Variants in PRKAR1B observed in about 807,000 individuals in gnomAD.
PRKAR1B encodes protein kinase cAMP-dependent type I regulatory subunit beta, also known as cAMP-dependent protein kinase type I-beta regulatory subunit.
In PRKAR1B, 22 loss-of-function variants were observed where a neutral mutation model predicts 46.5. The ratio of observed to expected loss-of-function variants is 0.47; its 90% CI spans 0.34 to 0.68. PRKAR1B has a LOEUF of 0.68. PRKAR1B is among the 30% of genes least tolerant of loss of function. The pLI, the probability that PRKAR1B is intolerant of heterozygous loss-of-function variation, is 0.01. For synonymous variants in PRKAR1B, 259 were observed against 217.7 expected, an observed-to-expected ratio of 1.19 and a Z score of -1.67; for missense variants, 445 against 535.6, an observed-to-expected ratio of 0.83 and a Z score of 1.67.
In PRKAR1B at chr7:675,314, G is replaced by C. The variant is rs147920645; in HGVS notation, c.440+1915C>G. Among the ~76,000 whole-genome samples, 216 of 152,282 alleles carry C rather than the reference G, an allele frequency of 1.4e-3. 1 individual carries two copies. Among genetic ancestry groups the C allele is most frequent in the African/African-American group, 4.8e-3 (199 of 41,560 alleles). On this transcript the variant is annotated intron_variant, in intron 4 of 10. Coordinates refer to ENST00000537384, the MANE Select transcript of PRKAR1B (RefSeq NM_001164760.2). ...AACAATGCGTCTAGTGTGTTCCCAGGGTCCCCACCTGCACTCACGGGCACA... is the reference window on the plus strand; with the variant it reads ...AACAATGCGTCTAGTGTGTTCCCAGCGTCCCCACCTGCACTCACGGGCACA...
chr7:711,343 C>T lies in PRKAR1B; in HGVS notation c.163G>A (p.Glu55Lys). The change falls in exon 2 of 11, where the codon GAG (glutamate) becomes AAG (lysine). Residue 55 changes from glutamate to lysine, a missense_variant. Transcript: ENST00000537384. The stretch of plus-strand genomic sequence containing the variant: ...GGGCCACTCACCTTCTCCAGCTTCT[C>T]GAAGTGCTCCCGGAGGAACTTCATG... ...RPMKFLREHF[E>K]KLEKEENRQI... The T allele has an allele frequency of 6.2e-7, 1 of 1,614,138 alleles. No homozygotes were observed. The highest frequency in any genetic ancestry group is 1.7e-5 in the Admixed American group (1 of 60,034).
intron 6 of PRKAR1B, among the ~76,000 whole-genome samples, chr7:599,335 T>C (rs1781461169): frequency 6.6e-6 from 1 of 152,038 alleles, no homozygotes; most frequent in South Asian, 2.1e-4. Context: ...TTCGCTCTTG[T>C]TCCTCAGGCT....
intron 9 of PRKAR1B, among the ~76,000 whole-genome samples, chr7:552,906 G>A (rs1007277307): frequency 2.0e-5 from 3 of 152,266 alleles, no homozygotes; most frequent in Non-Finnish European, 4.4e-5. Flanking sequence ...CCCCCGACAC[G>A]GGGAAGTGGG....
At chr7:564,081 G>A (rs1778989270) in intron 9 of PRKAR1B, among the ~76,000 whole-genome samples, 1 of 152,010 alleles carries the variant, frequency 6.6e-6, no homozygotes, top group African/African-American at 2.4e-5. Context: ...TTCCCAAAGG[G>A]TCTCCTCCCT....
At chr7:702,867 G>C (rs1345118285) in intron 2 of PRKAR1B, among the ~76,000 whole-genome samples, 1 of 151,424 alleles carries the variant, frequency 6.6e-6, no homozygotes, top group Non-Finnish European at 1.5e-5. Flanking sequence ...AATAAATAAA[G>C]ATGCATCATA....
chr7:551,530 G>A lies in PRKAR1B; in HGVS notation c.892-60C>T, dbSNP rs546012117. On this transcript the variant is annotated intron_variant, in intron 9 of 10. Coordinates refer to ENST00000537384, the MANE Select transcript of PRKAR1B (RefSeq NM_001164760.2). ...CAGGCGGGTGCAGGGTGGGACACACGTGAGGGGTCACCCCACAGGGGGTCA... is the reference window on the plus strand; with the variant it reads ...CAGGCGGGTGCAGGGTGGGACACACATGAGGGGTCACCCCACAGGGGGTCA... The A allele has an allele frequency of 2.5e-5, 37 of 1,500,562 alleles. 1 individual carries two copies. The highest frequency in any genetic ancestry group is 1.9e-4 in the African/African-American group (14 of 72,186). 93.0% of individuals were successfully genotyped at this position (1,500,562 alleles called of 1,614,324 possible).
chr7:643,576 G>T (rs1784491422), intron 4 of PRKAR1B, among the ~76,000 whole-genome samples: 1 of 151,352 alleles, frequency 6.6e-6, no homozygotes, highest in African/African-American at 2.5e-5. Context: ...TACAAAATTA[G>T]CTGGGCATGG....
chr7:669,948 C>T (rs1383102452), intron 4 of PRKAR1B, among the ~76,000 whole-genome samples: 1 of 146,594 alleles, frequency 6.8e-6, no homozygotes, highest in African/African-American at 2.5e-5. Flanking sequence ...TCACTGCAAG[C>T]TCCGCCTCCC....
chr7:600,442 T>C (rs768692770), intron 6 of PRKAR1B, among the ~76,000 whole-genome samples: 2 of 152,196 alleles, frequency 1.3e-5, no homozygotes, highest in Non-Finnish European at 2.9e-5. Flanking sequence ...CAATGAGCTA[T>C]GATCACGCCA....
At chr7:706,733 G>A (rs540087069) in intron 2 of PRKAR1B, among the ~76,000 whole-genome samples, 1 of 152,028 alleles carries the variant, frequency 6.6e-6, no homozygotes, top group South Asian at 2.1e-4. Context: ...CCCAAATAAG[G>A]AATATTTTAT....
At chr7:607,629 G>A (rs1396648631) in intron 4 of PRKAR1B, among the ~76,000 whole-genome samples, 177 bp from the exon 5 acceptor site, 1 of 152,230 alleles carries the variant, frequency 6.6e-6, no homozygotes, top group Admixed American at 6.5e-5. Context: ...GGCCAGAGAT[G>A]GCACCGCCAG....
At position 593,355 on chromosome 7, in the gene PRKAR1B, C is replaced by T. The variant is rs969861498; in HGVS notation, c.708+2791G>A. Among the ~76,000 whole-genome samples, 7 of 152,156 alleles carry T rather than the reference C, an allele frequency of 4.6e-5. No homozygotes were observed. The highest frequency in any genetic ancestry group is 1.2e-4 in the African/African-American group (5 of 41,436). ...AGAAACAGGAGCTGTGTGAGGAGCT[C>T]GGGGCCAATACAGAAACAGACACCA... On this transcript the variant is annotated intron_variant, in intron 7 of 10. Coordinates refer to ENST00000537384, the MANE Select transcript of PRKAR1B (RefSeq NM_001164760.2). This position sits in a 1 kb window ranked among gnomAD's most constrained non-coding sequence, Gnocchi z 6.1.
chr7:570,969 C>T (rs1310575724), intron 9 of PRKAR1B, among the ~76,000 whole-genome samples: 4 of 152,236 alleles, frequency 2.6e-5, no homozygotes, highest in Admixed American at 6.5e-5. Flanking sequence ...GCCCCTAGAA[C>T]GCCAGCCGGA....
At chr7:627,331 G>C (rs940992811) in intron 4 of PRKAR1B, among the ~76,000 whole-genome samples, 1 of 152,190 alleles carries the variant, frequency 6.6e-6, no homozygotes, top group Non-Finnish European at 1.5e-5. Flanking sequence ...GAGGGTAGCG[G>C]TGGGGGCCGA....
At chr7:590,888 C>T (rs1160639743) in intron 7 of PRKAR1B, among the ~76,000 whole-genome samples, 3 of 152,178 alleles carry the variant, frequency 2.0e-5, no homozygotes, top group East Asian at 1.9e-4. Flanking sequence ...CCAGGCCCGT[C>T]GGCAGCAGAA....
intron 4 of PRKAR1B, among the ~76,000 whole-genome samples, chr7:641,844 A>AT (rs1392964936): frequency 2.0e-5 from 3 of 151,948 alleles, no homozygotes; most frequent in African/African-American, 4.8e-5. Context: ...TATTATCACT[A>AT]TTTTTTATTT....
At chr7:649,139 G>C (rs759319776) in intron 4 of PRKAR1B, among the ~76,000 whole-genome samples, 1 of 152,136 alleles carries the variant, frequency 6.6e-6, no homozygotes, top group South Asian at 2.1e-4. Context: ...ACTCCAGCCT[G>C]GGTGACAGAG....
intron 4 of PRKAR1B, among the ~76,000 whole-genome samples, chr7:623,157 C>T (rs187751616): frequency 3.3e-5 from 5 of 152,292 alleles, no homozygotes; most frequent in African/African-American, 4.8e-5. Flanking sequence ...AGGCTTGTTC[C>T]GTGACTCTGT....
At chr7:682,215 G>A (rs537990218) in intron 2 of PRKAR1B, among the ~76,000 whole-genome samples, 1 of 152,150 alleles carries the variant, frequency 6.6e-6, no homozygotes, top group East Asian at 1.9e-4. Flanking sequence ...AGTGCTGTGT[G>A]ACCCTGAGTA....
Sources: allele counts gnomAD v4.1 joint callset (sites outside exome capture counted in the v4.1 genomes callset), GRCh38; gene constraint gnomAD v4.1.1; non-coding constraint Gnocchi (gnomAD v3.1); transcripts MANE v1.5; gene names NCBI Gene and HGNC (gene_info 2026-07-23, HGNC 2026-07-21).